Variants in MICALL1 observed in about 807,000 individuals in gnomAD.
The protein encoded by MICALL1 is MICAL like 1.
A neutral mutation model predicts 83.7 loss-of-function variants in MICALL1; 61 were observed. The observed-to-expected ratio is 0.73, with a 90% CI of 0.59 to 0.90. MICALL1 has a LOEUF of 0.90. MICALL1 is among the 40% of genes least tolerant of loss of function. The probability of loss-of-function intolerance (pLI) is 0.00; values close to 1 mark genes in which losing one functional copy is unlikely to be tolerated. For missense variants in MICALL1, 1,066 were observed against 1,152.0 expected (o/e 0.93, Z 1.08); for synonymous variants, 481 against 473.6 (o/e 1.02, Z -0.20).
chr22:37,941,091 G>C lies in MICALL1; in HGVS notation c.*261G>C, dbSNP rs762897847. The C allele has an allele frequency of 5.4e-6, 2 of 372,474 alleles. No individual in the cohort carries two copies. The highest frequency in any genetic ancestry group is 5.1e-6 in the Non-Finnish European group (1 of 196,874). 23.1% of individuals were successfully genotyped at this position (372,474 alleles called of 1,614,324 possible). ...TTCTGATGACTGCGGATGCTGTGAC[G>C]GACCCAAGGGGCAAATAGGGTCCCA... On this transcript the variant is annotated 3_prime_UTR_variant, in exon 16 of 16. Transcript: ENST00000215957.
At chr22:37,921,887 G>T in intron 5 of MICALL1, 85 bp from the exon 6 acceptor site, 1 of 1,340,342 alleles carries the variant, frequency 7.5e-7, no homozygotes, top group African/African-American at 1.5e-5. Flanking sequence ...GAAGGGAGGA[G>T]ACAGCCCTGG....
chr22:37,932,676 A>C lies in MICALL1; in HGVS notation c.2140A>C (p.Asn714His). ...LLEEKLRGGLNEGREDDMLVD... is the reference protein window; with the variant it reads ...LLEEKLRGGLHEGREDDMLVD... ...GGAGGAGAAGCTGCGTGGCGGCCTGAATGGTGCGGGAGCGGCTGGGAGGGC... is the reference window on the plus strand; with the variant it reads ...GGAGGAGAAGCTGCGTGGCGGCCTGCATGGTGCGGGAGCGGCTGGGAGGGC... Residue 714 changes from asparagine (N) to histidine (H), a missense_variant, in exon 11 of 16, where the codon AAT becomes CAT. Transcript: ENST00000215957. This position sits in a 1 kb window ranked among gnomAD's most constrained non-coding sequence, Gnocchi z 4.4. 2 of 1,613,730 alleles carry C rather than the reference A, an allele frequency of 1.2e-6. No homozygotes were observed. Among genetic ancestry groups the C allele is most frequent in the Non-Finnish European group, 1.7e-6 (2 of 1,179,894 alleles).
rs751677019 is a variant in MICALL1, at chr22:37,927,426, G to A, written c.1481G>A (p.Arg494His). 1.7e-5 allele frequency: 27 copies of A among 1,587,422 alleles called. No homozygotes were observed. Among genetic ancestry groups the A allele is most frequent in the East Asian group, 4.5e-5 (2 of 44,306 alleles). Reference sequence around the variant, plus strand: ...GTCCGCACAGCTCTCCACGCCTCCCGCCTCTCGCACTCGGAGCCGCCCTCG... The same window carrying A: ...GTCCGCACAGCTCTCCACGCCTCCCACCTCTCGCACTCGGAGCCGCCCTCG... ...SASPLALHAS[R>H]LSHSEPPSAT... The change falls in exon 9 of 16, where the codon CGC becomes CAC. Residue 494 changes from arginine (R) to histidine (H), a missense_variant. Arg to His is a conservative substitution (Grantham distance 29, BLOSUM62 0). Transcript: ENST00000215957.
chr22:37,932,667 G>GGCGGCCTGAATGGT lies in MICALL1; in HGVS notation c.2136_2143+6dup. The GGCGGCCTGAATGGT allele has an allele frequency of 6.2e-7, 1 of 1,613,960 alleles. No homozygotes were observed. The highest frequency in any genetic ancestry group is 8.5e-7 in the Non-Finnish European group (1 of 1,179,964). On this transcript the variant is annotated frameshift_variant, in exon 11 of 16. Coordinates refer to ENST00000215957, the MANE Select transcript of MICALL1 (RefSeq NM_033386.4). LOFTEE classifies it high-confidence loss of function. This position sits in a 1 kb window ranked among gnomAD's most constrained non-coding sequence, Gnocchi z 4.4. ...GGTGCTGCTGGAGGAGAAGCTGCGT[G>GGCGGCCTGAATGGT]GCGGCCTGAATGGTGCGGGAGCGGC...
chr22:37,933,240 G>A (rs1283798045), intron 13 of MICALL1, 128 bp downstream of exon 13: 1 of 952,444 alleles, frequency 1.0e-6, no homozygotes, highest in Non-Finnish European at 1.6e-6. Context: ...CAGAGGAGGA[G>A]GTGCGGGGCA....
chr22:37,940,683 T>TA, intron 15 of MICALL1, 26 bp from the exon 16 acceptor site: 1 of 1,612,234 alleles, frequency 6.2e-7, no homozygotes, highest in Non-Finnish European at 8.5e-7. Context: ...TCCACTTTAT[T>TA]AAGTGCTCCC....
In MICALL1 at chr22:37,912,964, CT is replaced by C. The variant is rs759798391; in HGVS notation, c.337+487del. On this transcript the variant is annotated intron_variant, in intron 3 of 15. Coordinates refer to ENST00000215957, the MANE Select transcript of MICALL1 (RefSeq NM_033386.4). ...GCGTGAGCCACTGTGCCCAGTCCCA[CT>C]TTTTTTTTTTTTTTGAGACGGAGTT... Among the ~76,000 whole-genome samples the C allele has an allele frequency of 4.1e-3, 560 of 135,258 alleles. 1 individual carries two copies. The highest frequency in any genetic ancestry group is 0.02 in the Middle Eastern group (4 of 198). 88.7% of individuals were successfully genotyped at this position (135,258 alleles called of 152,430 possible).
At chr22:37,937,876 G>A in intron 15 of MICALL1, 84 bp downstream of exon 15, 1 of 1,560,504 alleles carries the variant, frequency 6.4e-7, no homozygotes, top group African/African-American at 1.4e-5. Flanking sequence ...TGAAGGGAGG[G>A]TTGGAGTGGG....
In MICALL1 at chr22:37,925,701, G is replaced by A. The variant is rs1221954945; in HGVS notation, c.1123G>A (p.Val375Met). 2 of 1,610,230 alleles carry A rather than the reference G, an allele frequency of 1.2e-6. No individual in the cohort carries two copies. The highest frequency in any genetic ancestry group is 2.2e-5 in the East Asian group (1 of 44,802). ...PRKDPPWITL[V>M]QAEPKKKPAP... ...GAAGGACCCCCCATGGATCACGCTG[G>A]TGCAGGCAGAACCAAAGAAGAAGCC... The change falls in exon 8 of 16, where the codon GTG becomes ATG. Residue 375 changes from valine to methionine, a missense_variant. Coordinates refer to ENST00000215957, the MANE Select transcript of MICALL1 (RefSeq NM_033386.4).
intron 6 of MICALL1, among the ~76,000 whole-genome samples, chr22:37,922,787 T>A (rs13054580): frequency 8.0e-6 from 1 of 125,774 alleles, no homozygotes; most frequent in Non-Finnish European, 1.6e-5. Flanking sequence ...TTTTGTTTTG[T>A]TTTTTTTTGT....
rs373323533 is a variant in MICALL1 at position 37,936,621 on chromosome 22, G to A, written c.2309-459G>A. Among the ~76,000 whole-genome samples the A allele has an allele frequency of 6.4e-4, 97 of 152,276 alleles. 2 individuals are homozygous for A. The East Asian group carries it at 0.016, about 26-fold the overall frequency. On this transcript the variant is annotated intron_variant, in intron 13 of 15. Coordinates refer to ENST00000215957, the MANE Select transcript of MICALL1 (RefSeq NM_033386.4). ...GAACTTGTAGGCCCTGGCCGGGCGC[G>A]GTGGCTCACGCCTGTAATCCCAGCA...
intron 3 of MICALL1, among the ~76,000 whole-genome samples, chr22:37,914,537 T>C (rs1010487099): frequency 6.6e-6 from 1 of 150,506 alleles, no homozygotes; most frequent in Non-Finnish European, 1.5e-5. Flanking sequence ...ATCTTTTCTT[T>C]CATTATATAT....
Position 37,932,627 on chromosome 22 carries a change from C to G in MICALL1, c.2091C>G (p.Ala697=). The stretch of plus-strand genomic sequence containing the variant: ...ATACCATTGAGCGCCGGCTGGATGC[C>G]CTGGAGCACCGTGGGGTGCTGCTGG... ...EMDTIERRLD[A]LEHRGVLLEE... The change falls in exon 11 of 16, where the codon GCC becomes GCG. Residue 697 remains alanine (A), a synonymous_variant. Coordinates refer to ENST00000215957, the MANE Select transcript of MICALL1 (RefSeq NM_033386.4). The surrounding 1 kb of genome is among the most constrained non-coding windows in gnomAD (Gnocchi z 4.4). 3 of 1,614,144 alleles carry G rather than the reference C, an allele frequency of 1.9e-6. No individual in the cohort carries two copies. Among genetic ancestry groups the G allele is most frequent in the Non-Finnish European group, 2.5e-6 (3 of 1,180,014 alleles).
Position 37,932,485 on chromosome 22 carries a change from C to A in MICALL1, c.2017-68C>A. 1 of 1,593,452 alleles carries A rather than the reference C, an allele frequency of 6.3e-7. No homozygotes were observed. The highest frequency in any genetic ancestry group is 8.6e-7 in the Non-Finnish European group (1 of 1,168,016). On this transcript the variant is annotated intron_variant, in intron 10 of 15. Coordinates refer to ENST00000215957, the MANE Select transcript of MICALL1 (RefSeq NM_033386.4). The surrounding 1 kb of genome is among the most constrained non-coding windows in gnomAD (Gnocchi z 4.4). ...GGAGCCACCAGTGGCCAATGCTGGC[C>A]AGAGAAGAGGGCAAGGCTCCTGGCA...
intron 8 of MICALL1, 108 bp from the exon 9 acceptor site, chr22:37,927,303 T>G: frequency 7.7e-7 from 1 of 1,296,354 alleles, no homozygotes; most frequent in South Asian, 1.6e-5. Context: ...GTGGAGGGCT[T>G]GGGTTTCTGG....
Position 37,925,848 on chromosome 22 carries a change from T to G in MICALL1, c.1270T>G (p.Tyr424Asp). ...AACGGCCAGCCTGGAGTCCAAACCC[T>G]ATAACCCCTTTGAGGAGGAGGAGGA... ...SPTASLESKP[Y>D]NPFEEEEEDK... The change falls in exon 8 of 16, where the codon TAT becomes GAT. Residue 424 changes from tyrosine to aspartate, a missense_variant. By Grantham distance (160) the Tyr-to-Asp change is radical (BLOSUM62 -3). Coordinates refer to ENST00000215957, the MANE Select transcript of MICALL1 (RefSeq NM_033386.4). The G allele has an allele frequency of 6.2e-7, 1 of 1,613,658 alleles. No homozygotes were observed. The highest frequency in any genetic ancestry group is 8.5e-7 in the Non-Finnish European group (1 of 1,179,926).
intron 3 of MICALL1, 65 bp from the exon 4 acceptor site, chr22:37,917,642 G>T (rs929780625): frequency 1.3e-6 from 2 of 1,486,968 alleles, no homozygotes; most frequent in East Asian, 2.3e-5. Flanking sequence ...CTTCAGCCAG[G>T]TTGGGACCTC....
intron 13 of MICALL1, 144 bp from the exon 14 acceptor site, chr22:37,936,936 G>A (rs1930159712): frequency 3.3e-6 from 2 of 612,092 alleles, no homozygotes; most frequent in Non-Finnish European, 5.7e-6. Flanking sequence ...CCCACCTATC[G>A]GGGCCCTTCC....
chr22:37,928,324 A>G (rs1469712135), intron 9 of MICALL1, among the ~76,000 whole-genome samples: 1 of 150,446 alleles, frequency 6.6e-6, no homozygotes, highest in African/African-American at 2.5e-5. Flanking sequence ...CTTCTGTCTC[A>G]GTCTCCCGAG....
Sources: gnomAD v4.1 joint callset for allele counts (sites outside exome capture counted in the v4.1 genomes callset) on GRCh38, gnomAD v4.1.1 for gene constraint, Gnocchi (gnomAD v3.1) non-coding constraint, MANE v1.5 for transcripts, NCBI Gene and HGNC (gene_info 2026-07-23, HGNC 2026-07-21) for gene names.